CARMIL1: variants seen among roughly 807,000 people sequenced by gnomAD.
CARMIL1 encodes the protein capping protein regulator and myosin 1 linker 1, also known as F-actin-uncapping protein LRRC16A.
Under a neutral mutation model 177.1 loss-of-function variants are expected in CARMIL1, and 90 were observed. The ratio of observed to expected loss-of-function variants is 0.51; its 90% CI spans 0.43 to 0.61. The LOEUF is 0.61. Ranked by LOEUF, CARMIL1 falls within the 20% of genes least tolerant of loss-of-function variation. CARMIL1 has a pLI of 0.00. For missense variants in CARMIL1, 1,380 were observed against 1,667.0 expected, an observed-to-expected ratio of 0.83 and a Z score of 3.00; for synonymous variants, 577 against 606.2, an observed-to-expected ratio of 0.95 and a Z score of 0.71.
At position 25,510,569 on chromosome 6, in the gene CARMIL1, C is replaced by G; in HGVS notation, c.1540C>G (p.Leu514Val). 1 of 1,556,546 alleles carries G rather than the reference C, an allele frequency of 6.4e-7. No homozygotes were observed. The highest frequency in any genetic ancestry group is 1.2e-5 in the South Asian group (1 of 84,064). The change falls in exon 19 of 37, where the codon CTG (leucine) becomes GTG (valine). Residue 514 changes from leucine (L) to valine (V), a missense_variant. Coordinates refer to ENST00000329474, the MANE Select transcript of CARMIL1 (RefSeq NM_017640.6). ...CAGTAAAAACAGATCAATACAACAC[C>G]TGGCGTTAGGCAAAAATTTTAATAA... ...WLSKNRSIQH[L>V]ALGKNFNNMK...
intron 2 of CARMIL1, among the ~76,000 whole-genome samples, chr6:25,380,646 A>G (rs1405748592): frequency 6.6e-6 from 1 of 152,256 alleles, no homozygotes; most frequent in Non-Finnish European, 1.5e-5. Context: ...TTTGTAAATA[A>G]ATCCCAAATA....
intron 30 of CARMIL1, 102 bp from the exon 31 acceptor site, chr6:25,581,136 GCTATT>G: frequency 7.8e-7 from 1 of 1,275,540 alleles, no homozygotes; most frequent in Admixed American, 2.3e-5. Flanking sequence ...ATGTGTGTTT[GCTATT>G]CTATGCTAGA....
chr6:25,459,159 G>T lies in CARMIL1; in HGVS notation c.615-6714G>T, dbSNP rs146276630. ...TTGATTCTTTAGAGTTTTAAGGGAA[G>T]GTTTCGATTATTCTGAAGTGTCAAC... On this transcript the variant is annotated intron_variant, in intron 8 of 36. Transcript: ENST00000329474. Among the ~76,000 whole-genome samples the T allele has an allele frequency of 2.9e-4, 43 of 150,620 alleles. No homozygotes were observed. In the East Asian group the frequency reaches 8.3e-3, roughly 29 times the overall value.
chr6:25,554,206 A>G lies in CARMIL1; in HGVS notation c.2592+110A>G. On this transcript the variant is annotated intron_variant, in intron 28 of 36. Coordinates refer to ENST00000329474, the MANE Select transcript of CARMIL1 (RefSeq NM_017640.6). The surrounding 1 kb of genome is among the most constrained non-coding windows in gnomAD (Gnocchi z 4.6). ...TCTTTTCTGTATTTCACACTATTAC[A>G]GCTTTATGGTTTGTGATCTTGGTTT... 1.3e-6 allele frequency: 1 copy of G among 766,498 alleles called. No homozygotes were observed. Among genetic ancestry groups the G allele is most frequent in the Middle Eastern group, 2.6e-4 (1 of 3,900 alleles). 47.5% of individuals were successfully genotyped at this position (766,498 alleles called of 1,614,324 possible).
intron 32 of CARMIL1, among the ~76,000 whole-genome samples, chr6:25,598,745 A>G (rs1292666073): frequency 6.6e-6 from 1 of 152,154 alleles, no homozygotes; most frequent in Admixed American, 6.5e-5. Flanking sequence ...TTGAAAAGGA[A>G]TGGGGGCACC....
In CARMIL1 at chr6:25,322,335, C is replaced by T. The variant is rs191732905; in HGVS notation, c.138+37426C>T. Among the ~76,000 whole-genome samples the T allele has an allele frequency of 5.6e-3, 847 of 151,974 alleles. 8 individuals carry two copies. Among genetic ancestry groups the T allele is most frequent in the African/African-American group, 0.019 (787 of 41,424 alleles). ...ACAGGGTTTCGCCATGTTGGCCAGG[C>T]TAGTCTCAAACTCCTGACCTCAAGT... On this transcript the variant is annotated intron_variant, in intron 2 of 36. Coordinates refer to ENST00000329474, the MANE Select transcript of CARMIL1 (RefSeq NM_017640.6).
intron 31 of CARMIL1, among the ~76,000 whole-genome samples, chr6:25,584,193 T>A (rs2151261680): frequency 6.6e-6 from 1 of 151,114 alleles, no homozygotes; most frequent in Non-Finnish European, 1.5e-5. Context: ...ACCACCATGC[T>A]TGGCTAATTA....
intron 16 of CARMIL1, among the ~76,000 whole-genome samples, chr6:25,498,052 AGT>A (rs779160339): frequency 1.2e-4 from 19 of 152,136 alleles, no homozygotes; most frequent in Non-Finnish European, 2.2e-4. Context: ...CTCAGAGTGC[AGT>A]GTGAGTTCCT....
At chr6:25,610,255 A>G in intron 36 of CARMIL1, 74 bp downstream of exon 36, 1 of 1,472,440 alleles carries the variant, frequency 6.8e-7, no homozygotes, top group Non-Finnish European at 9.0e-7. Context: ...AAAGGAACTC[A>G]TCCTGGACTT....
At chr6:25,280,462 G>C (rs1780994019) in intron 1 of CARMIL1, among the ~76,000 whole-genome samples, 1 of 152,168 alleles carries the variant, frequency 6.6e-6, no homozygotes, top group Non-Finnish European at 1.5e-5. Context: ...CCAGGAAATA[G>C]AGGGTTAATG....
intron 2 of CARMIL1, among the ~76,000 whole-genome samples, chr6:25,334,295 G>A (rs1338077789): frequency 2.0e-5 from 3 of 152,134 alleles, no homozygotes; most frequent in African/African-American, 4.8e-5. Flanking sequence ...AAATATATTC[G>A]GATTCACTTA....
At chr6:25,422,611 G>A (rs566049864) in intron 3 of CARMIL1, among the ~76,000 whole-genome samples, 135 of 152,198 alleles carry the variant, frequency 8.9e-4, no homozygotes, top group African/African-American at 3.1e-3. Flanking sequence ...CAATGAAGTT[G>A]GACTAAACTA....
Position 25,581,447 on chromosome 6 carries a change from G to T in CARMIL1, c.3006+8G>T, listed in dbSNP as rs200244824. 6.2e-7 allele frequency: 1 copy of T among 1,601,178 alleles called. No individual in the cohort carries two copies. The highest frequency in any genetic ancestry group is 1.3e-5 in the African/African-American group (1 of 74,376). On this transcript the variant is annotated splice_region_variant and intron_variant, in intron 31 of 36. Transcript: ENST00000329474. ...CAACCCACCCAAGCAGCGGTAGGTG[G>T]ACTGCAGGAGAGGCCCCATCTCTCC...
Position 25,483,538 on chromosome 6 carries a change from C to CCAT in CARMIL1, c.961+1202_961+1204dup, listed in dbSNP as rs1346048448. 2.0e-5 allele frequency among the ~76,000 whole-genome samples: 3 copies of CCAT among 151,966 alleles called. No individual in the cohort carries two copies. The East Asian group carries it at 5.8e-4, about 29-fold the overall frequency. ...ACCAGTACCGGCACCACCACCACCA[C>CCAT]CATCATCATAATTATCATCATCCTG... On this transcript the variant is annotated intron_variant, in intron 12 of 36. Transcript: ENST00000329474.
chr6:25,389,420 A>G (rs569680342), intron 2 of CARMIL1, among the ~76,000 whole-genome samples: 84 of 152,206 alleles, frequency 5.5e-4, no homozygotes, highest in Non-Finnish European at 9.4e-4. Context: ...GACTCAAGCT[A>G]TCCTCCTGCC....
intron 23 of CARMIL1, among the ~76,000 whole-genome samples, chr6:25,524,892 T>C (rs381300): frequency 0.6 from 91,008 of 151,382 alleles, 27,517 homozygotes; most frequent in African/African-American, 0.63. Flanking sequence ...GGAAGAATCA[T>C]TGAACTCTAA....
At chr6:25,427,841 C>T (rs553409285) in intron 4 of CARMIL1, among the ~76,000 whole-genome samples, 2 of 152,212 alleles carry the variant, frequency 1.3e-5, no homozygotes, top group Admixed American at 1.3e-4. Context: ...GTTTATTTGC[C>T]ATCACGTATT....
At chr6:25,381,983 T>A (rs1791596487) in intron 2 of CARMIL1, among the ~76,000 whole-genome samples, 1 of 152,018 alleles carries the variant, frequency 6.6e-6, no homozygotes, top group Non-Finnish European at 1.5e-5. Flanking sequence ...TTGCCTAAAC[T>A]CAAGTATGAT....
intron 11 of CARMIL1, chr6:25,479,261 T>C (rs1289222859): frequency 1.9e-6 from 1 of 518,690 alleles, no homozygotes; most frequent in Admixed American, 1.9e-5. Flanking sequence ...TTGCCTGTTC[T>C]TTGCCTATGT....
Sources: gnomAD v4.1 joint callset for allele counts (sites outside exome capture counted in the v4.1 genomes callset) on GRCh38, gnomAD v4.1.1 for gene constraint, Gnocchi (gnomAD v3.1) non-coding constraint, MANE v1.5 for transcripts, NCBI Gene and HGNC (gene_info 2026-07-23, HGNC 2026-07-21) for gene names.